Variants in BACH2 observed in about 807,000 individuals in gnomAD.
BACH2 encodes transcription regulator protein BACH2.
In BACH2, 5 loss-of-function variants were observed where a neutral mutation model predicts 61.8. That is an observed-to-expected ratio of 0.08 (90% CI 0.04 to 0.17). BACH2 has a LOEUF of 0.17. Ranked by LOEUF, BACH2 falls within the 10% of genes least tolerant of loss-of-function variation. The pLI, the probability that BACH2 is intolerant of heterozygous loss-of-function variation, is 1.00. For synonymous variants in BACH2, 446 were observed against 440.1 expected, an observed-to-expected ratio of 1.01 and a Z score of -0.17; for missense variants, 824 against 1,091.1, an observed-to-expected ratio of 0.76 and a Z score of 3.45.
intron 4 of BACH2, among the ~76,000 whole-genome samples, chr6:90,109,779 G>T (rs1345621281): frequency 6.6e-6 from 1 of 152,088 alleles, no homozygotes; most frequent in Non-Finnish European, 1.5e-5. Context: ...AATACATCTT[G>T]AAATGAACCA....
intron 4 of BACH2, among the ~76,000 whole-genome samples, chr6:90,206,124 C>T (rs911921210): frequency 3.0e-4 from 46 of 152,174 alleles, no homozygotes; most frequent in African/African-American, 1.1e-3. Context: ...CGCAGTAACT[C>T]ATTTCATCCT....
intron 8 of BACH2, among the ~76,000 whole-genome samples, chr6:89,934,017 AC>A (rs1413877232): frequency 7.3e-5 from 11 of 150,938 alleles, no homozygotes; most frequent in Admixed American, 7.3e-4. Context: ...AAAAAAAAAG[AC>A]AAAAAAAAAG....
At chr6:90,032,799 C>T (rs143050606) in intron 5 of BACH2, among the ~76,000 whole-genome samples, 8,829 of 152,130 alleles carry the variant, frequency 0.058, 737 homozygotes, top group African/African-American at 0.18. Flanking sequence ...GTCAGTGTGG[C>T]GATTCCTCAG....
chr6:90,279,183 A>T (rs1451684528), intron 1 of BACH2, among the ~76,000 whole-genome samples: 1 of 152,016 alleles, frequency 6.6e-6, no homozygotes, highest in East Asian at 1.9e-4. Context: ...AATCGAACAA[A>T]CGCTATAGGA....
chr6:90,102,841 A>AT (rs1310918317), intron 4 of BACH2, among the ~76,000 whole-genome samples: 14 of 141,122 alleles, frequency 9.9e-5, no homozygotes, highest in Admixed American at 8.1e-4. Context: ...AATAATAATA[A>AT]AAATAAAAGG....
chr6:90,017,694 T>A (rs1409449928), intron 5 of BACH2, among the ~76,000 whole-genome samples: 1 of 152,234 alleles, frequency 6.6e-6, no homozygotes, highest in African/African-American at 2.4e-5. Flanking sequence ...CTACTTAAGA[T>A]GTTCAATCTT....
intron 5 of BACH2, among the ~76,000 whole-genome samples, chr6:90,082,363 G>C (rs553261166): frequency 6.6e-6 from 1 of 152,184 alleles, no homozygotes. Flanking sequence ...AATACTGGTT[G>C]ACAGGAATTT....
At chr6:90,059,891 C>T (rs1780588140) in intron 5 of BACH2, among the ~76,000 whole-genome samples, 2 of 146,988 alleles carry the variant, frequency 1.4e-5, no homozygotes, top group South Asian at 2.1e-4. Flanking sequence ...AACCAAACAC[C>T]GCATGTTCTC....
intron 3 of BACH2, among the ~76,000 whole-genome samples, chr6:90,248,800 T>C (rs1185638237): frequency 2.6e-5 from 4 of 152,156 alleles, no homozygotes; most frequent in Admixed American, 6.5e-5. Context: ...GGCTGGATTC[T>C]TAGTGCAACA....
intron 4 of BACH2, among the ~76,000 whole-genome samples, chr6:90,195,692 A>G (rs1352971101): frequency 6.6e-6 from 1 of 152,156 alleles, no homozygotes; most frequent in East Asian, 1.9e-4. Flanking sequence ...TAAATGCCCC[A>G]CTGTTCTTCT....
intron 1 of BACH2, among the ~76,000 whole-genome samples, chr6:90,295,560 C>A (rs1772319797): frequency 6.6e-6 from 1 of 152,116 alleles, no homozygotes; most frequent in South Asian, 2.1e-4. Context: ...AGCGGGGCCA[C>A]GGAGCGCCTC....
chr6:89,982,608 C>A (rs74486855), intron 6 of BACH2, among the ~76,000 whole-genome samples: 12 of 152,216 alleles, frequency 7.9e-5, no homozygotes, highest in Non-Finnish European at 1.6e-4. Context: ...TTTAGGAGTA[C>A]GTTCGGATAT....
At chr6:89,935,616 T>A (rs1772975682) in intron 8 of BACH2, among the ~76,000 whole-genome samples, 1 of 152,222 alleles carries the variant, frequency 6.6e-6, no homozygotes, top group Non-Finnish European at 1.5e-5. Context: ...TTTAAGGGGA[T>A]GCCAAAAAGT....
At chr6:90,103,020 TATATA>T (rs1782729338) in intron 4 of BACH2, among the ~76,000 whole-genome samples, 1 of 43,380 alleles carries the variant, frequency 2.3e-5, no homozygotes, top group African/African-American at 1.2e-4. Context: ...TATATATATA[TATATA>T]TATATTTTTT....
intron 2 of BACH2, among the ~76,000 whole-genome samples, chr6:90,258,599 A>G (rs1771058764): frequency 6.6e-6 from 1 of 152,170 alleles, no homozygotes; most frequent in Non-Finnish European, 1.5e-5. Flanking sequence ...ATTTCTGTGA[A>G]GAAGGTCACT....
chr6:90,100,728 G>GACACAGACAC (rs1782588329), intron 4 of BACH2, among the ~76,000 whole-genome samples: 2 of 142,270 alleles, frequency 1.4e-5, no homozygotes, highest in South Asian at 2.3e-4. Context: ...CACACACACA[G>GACACAGACAC]ACACACACAC....
chr6:90,187,629 C>T (rs2127843464), intron 4 of BACH2, among the ~76,000 whole-genome samples: 1 of 152,342 alleles, frequency 6.6e-6, no homozygotes, highest in East Asian at 1.9e-4. Context: ...TCCACTCAAA[C>T]TCATAAAAGC....
intron 4 of BACH2, among the ~76,000 whole-genome samples, chr6:90,110,678 T>G (rs1783128794): frequency 2.6e-5 from 4 of 152,232 alleles, no homozygotes; most frequent in African/African-American, 9.6e-5. Flanking sequence ...TCAGGGCACT[T>G]CATTCATTTT....
intron 5 of BACH2, among the ~76,000 whole-genome samples, chr6:90,052,355 C>A (rs912965347): frequency 1.3e-5 from 2 of 151,888 alleles, no homozygotes; most frequent in Non-Finnish European, 2.9e-5. Flanking sequence ...TGAATTAAAA[C>A]CTTATCAATA....
Sources: gnomAD v4.1 joint callset for allele counts (sites outside exome capture counted in the v4.1 genomes callset) on GRCh38, gnomAD v4.1.1 for gene constraint, MANE v1.5 for transcripts, NCBI Gene and HGNC (gene_info 2026-07-23, HGNC 2026-07-21) for gene names.